Variants in ABCA13 observed in about 807,000 individuals in gnomAD.
ABCA13 encodes ATP binding cassette subfamily A member 13, also known as ATP-binding cassette sub-family A member 13.
A neutral mutation model predicts 478.7 loss-of-function variants in ABCA13; 476 were observed. That is an observed-to-expected ratio of 0.99 (90% CI 0.92 to 1.07). The LOEUF is 1.07. Among genes scored for constraint, ABCA13 ranks in the 50% least tolerant of loss-of-function variants. The pLI is 0.00. For missense variants in ABCA13, 6,060 were observed against 5,910.6 expected, an observed-to-expected ratio of 1.03 and a Z score of -0.83; for synonymous variants, 2,252 against 2,158.9, an observed-to-expected ratio of 1.04 and a Z score of -1.20.
rs116705389 is a variant in ABCA13 at position 48,272,893 on chromosome 7, G to A, written c.3227G>A (p.Arg1076His). The change falls in exon 17 of 62, where the codon CGT (arginine) becomes CAT (histidine). Residue 1076 changes from arginine (R) to histidine (H), a missense_variant. Coordinates refer to ENST00000435803, the MANE Select transcript of ABCA13 (RefSeq NM_152701.5). ...KQLLIIDEDF[R>H]ISLFQYMSQF... is the part of the protein sequence containing the mutation. Reference sequence around the variant, plus strand: ...CTGCTCATAATTGATGAAGATTTTCGTATTTCTTTATTTCAATATATGAGC... The same window carrying A: ...CTGCTCATAATTGATGAAGATTTTCATATTTCTTTATTTCAATATATGAGC... 9.2e-3 allele frequency: 14,783 copies of A among 1,609,732 alleles called. 125 individuals carry two copies. Among genetic ancestry groups the A allele is most frequent in the Middle Eastern group, 0.057 (343 of 6,054 alleles).
chr7:48,447,300 C>T lies in ABCA13; in HGVS notation c.12566-7737C>T, dbSNP rs1824422902. ...TCCTGTTTCAACACCCACCTCCTCACGGGAGCCTAGGAGAGTTGGGTAGGG... is the reference window on the plus strand; with the variant it reads ...TCCTGTTTCAACACCCACCTCCTCATGGGAGCCTAGGAGAGTTGGGTAGGG... On this transcript the variant is annotated intron_variant, in intron 42 of 61. Transcript: ENST00000435803. 2.0e-5 allele frequency among the ~76,000 whole-genome samples: 3 copies of T among 152,156 alleles called. No homozygotes were observed. In the South Asian group the frequency reaches 6.2e-4, roughly 31 times the overall value.
At chr7:48,524,950 C>T (rs1027518991) in intron 54 of ABCA13, among the ~76,000 whole-genome samples, 1 of 152,076 alleles carries the variant, frequency 6.6e-6, no homozygotes, top group South Asian at 2.1e-4. Flanking sequence ...ATAAATTGTT[C>T]CTGATTTATG....
chr7:48,579,568 C>T (rs1159837000), intron 55 of ABCA13, among the ~76,000 whole-genome samples: 1 of 152,156 alleles, frequency 6.6e-6, no homozygotes, highest in African/African-American at 2.4e-5. Flanking sequence ...TTGGCAGAAT[C>T]TTATAAAACT....
chr7:48,241,719 G>A (rs1790860589), intron 10 of ABCA13, among the ~76,000 whole-genome samples: 1 of 152,176 alleles, frequency 6.6e-6, no homozygotes, highest in South Asian at 2.1e-4. Context: ...TTCAAACCAG[G>A]TCACACAAAT....
rs759857903 is a variant in ABCA13, at chr7:48,295,725, C to T, written c.8981C>T (p.Pro2994Leu). Residue 2994 changes from proline to leucine, a missense_variant, in exon 21 of 62, where the codon CCG (proline) becomes CTG (leucine). Pro to Leu is a moderately conservative substitution (Grantham distance 98, BLOSUM62 -3). This residue lies in a region of ABCA13 where 4,423 missense variants were observed against 4,309.1 expected (regional missense o/e 1.03). Transcript: ENST00000435803. ...FQEIEKIWSSPNQLNCESLSK... is the reference protein window; with the variant it reads ...FQEIEKIWSSLNQLNCESLSK... ...GAAATTGAAAAGATATGGTCCTCGC[C>T]GAATCAGCTAAATTGTGAAAGTCTT... is the stretch of plus-strand genomic sequence containing the variant. The T allele has an allele frequency of 2.0e-5, 33 of 1,613,866 alleles. No individual in the cohort carries two copies. The highest frequency in any genetic ancestry group is 2.5e-5 in the Non-Finnish European group (30 of 1,179,906).
intron 7 of ABCA13, among the ~76,000 whole-genome samples, chr7:48,233,143 T>A (rs556530397): frequency 6.6e-6 from 1 of 152,330 alleles, no homozygotes; most frequent in African/African-American, 2.4e-5. Context: ...CCCCGTTGAC[T>A]TGGTCTGTCT....
intron 57 of ABCA13, among the ~76,000 whole-genome samples, chr7:48,588,877 G>C (rs1789461426): frequency 6.6e-6 from 1 of 152,144 alleles, no homozygotes; most frequent in Admixed American, 6.5e-5. Flanking sequence ...GAGGGAATCA[G>C]GAAAACGTAA....
At position 48,254,461 on chromosome 7, in the gene ABCA13, G is replaced by A. The variant is rs139890271; in HGVS notation, c.2005+5110G>A. Among the ~76,000 whole-genome samples the A allele has an allele frequency of 2.2e-3, 329 of 151,914 alleles. 1 individual carries two copies. Among genetic ancestry groups the A allele is most frequent in the African/African-American group, 7.6e-3 (313 of 41,424 alleles). Reference sequence around the variant, plus strand: ...TTATTTTATTTTTTTGTTAAGATAGGGTCTTGCTATATTGCCCAGGCTAAT... The same window carrying A: ...TTATTTTATTTTTTTGTTAAGATAGAGTCTTGCTATATTGCCCAGGCTAAT... On this transcript the variant is annotated intron_variant, in intron 15 of 61. Transcript: ENST00000435803.
chr7:48,476,867 C>A (rs775440768), intron 45 of ABCA13, among the ~76,000 whole-genome samples: 2 of 152,070 alleles, frequency 1.3e-5, no homozygotes, highest in Non-Finnish European at 2.9e-5. Context: ...AGAAAGAAAA[C>A]ATTTCGAGGC....
chr7:48,243,242 C>T (rs1464793178), intron 10 of ABCA13, among the ~76,000 whole-genome samples: 3 of 152,224 alleles, frequency 2.0e-5, no homozygotes, highest in Non-Finnish European at 4.4e-5. Context: ...TTTAAAGAGA[C>T]TTGACAGTAA....
chr7:48,226,764 G>A (rs1788269098), intron 5 of ABCA13, among the ~76,000 whole-genome samples: 1 of 152,142 alleles, frequency 6.6e-6, no homozygotes, highest in Non-Finnish European at 1.5e-5. Flanking sequence ...AAAGCCTCGG[G>A]TATCTAGAGA....
chr7:48,527,953 C>G (rs373939559), intron 54 of ABCA13, among the ~76,000 whole-genome samples: 2 of 152,220 alleles, frequency 1.3e-5, no homozygotes, highest in South Asian at 2.1e-4. Flanking sequence ...TACTTCTCAT[C>G]CTCTTGAGTT....
intron 55 of ABCA13, among the ~76,000 whole-genome samples, chr7:48,559,115 G>A (rs1004544465): frequency 6.6e-6 from 1 of 152,178 alleles, no homozygotes; most frequent in Non-Finnish European, 1.5e-5. Flanking sequence ...ATTCCCTTCA[G>A]GGGGTGAGTT....
Position 48,338,390 on chromosome 7 carries a change from G to A in ABCA13, c.10139G>A (p.Arg3380Lys), listed in dbSNP as rs190851616. The A allele has an allele frequency of 3.7e-6, 6 of 1,600,312 alleles. No homozygotes were observed. In the Admixed American group the frequency reaches 1.0e-4, roughly 27 times the overall value. Reference sequence around the variant, plus strand: ...GAGGCCCTGAGAAACAAATTTGTAAGAAACTTTGTAGAAAACCAGTTGCAC... The same window carrying A: ...GAGGCCCTGAGAAACAAATTTGTAAAAAACTTTGTAGAAAACCAGTTGCAC... ...LQEALRNKFV[R>K]NFVENQLHID... Residue 3380 changes from arginine (R) to lysine (K), a missense_variant, in exon 29 of 62, where the codon AGA (arginine) becomes AAA (lysine). Physicochemically the swap from Arg to Lys is conservative, Grantham distance 26. Transcript: ENST00000435803.
chr7:48,324,453 G>T (rs1324287052), intron 27 of ABCA13, among the ~76,000 whole-genome samples: 1 of 152,174 alleles, frequency 6.6e-6, no homozygotes, highest in East Asian at 1.9e-4. Context: ...TTCAGCATAT[G>T]AATTTGGGAA....
intron 32 of ABCA13, among the ~76,000 whole-genome samples, chr7:48,370,841 T>C (rs1812520979): frequency 1.3e-5 from 2 of 151,874 alleles, no homozygotes; most frequent in African/African-American, 4.8e-5. Flanking sequence ...ACAAGAACAA[T>C]AGAAACCCAA....
At chr7:48,179,298 A>G (rs1404102199) in intron 1 of ABCA13, among the ~76,000 whole-genome samples, 1 of 152,204 alleles carries the variant, frequency 6.6e-6, no homozygotes, top group African/African-American at 2.4e-5. Context: ...GTCCTCGTGA[A>G]AAGCACATTT....
intron 55 of ABCA13, among the ~76,000 whole-genome samples, chr7:48,536,493 C>T (rs1184104536): frequency 6.6e-6 from 1 of 151,918 alleles, no homozygotes; most frequent in Non-Finnish European, 1.5e-5. Context: ...ACTAAAAATA[C>T]AAAAATTACG....
intron 55 of ABCA13, among the ~76,000 whole-genome samples, chr7:48,549,140 G>A (rs1785084554): frequency 6.6e-6 from 1 of 151,766 alleles, no homozygotes; most frequent in Admixed American, 6.6e-5. Context: ...GTGGTTTGCT[G>A]CACCTATTAA....
Sources: gnomAD v4.1 joint callset for allele counts (sites outside exome capture counted in the v4.1 genomes callset) on GRCh38, gnomAD v4.1.1 for gene constraint, gnomAD v4.1.1 regional missense constraint, MANE v1.5 for transcripts, NCBI Gene and HGNC (gene_info 2026-07-23, HGNC 2026-07-21) for gene names.